The following ZFP64 variants were observed in gnomAD, a reference collection of about 807,000 sequenced individuals.
ZFP64 encodes ZFP64 zinc finger protein.
Under a neutral mutation model 51.6 loss-of-function variants are expected in ZFP64, and 14 were observed. The ratio of observed to expected loss-of-function variants is 0.27; its 90% CI spans 0.18 to 0.42. The LOEUF is 0.42. ZFP64 is among the 10% of genes least tolerant of loss of function. The probability of loss-of-function intolerance (pLI) is 1.00; values close to 1 mark genes in which losing one functional copy is unlikely to be tolerated. For missense variants in ZFP64, 754 were observed against 906.8 expected (o/e 0.83, Z 2.16); for synonymous variants, 375 against 361.4 (o/e 1.04, Z -0.43).
intron 5 of ZFP64, among the ~76,000 whole-genome samples, chr20:52,155,927 C>A (rs1981281772): frequency 6.6e-6 from 1 of 152,192 alleles, no homozygotes; most frequent in African/African-American, 2.4e-5. Flanking sequence ...TATTAATTTA[C>A]AGTTTTACCA....
At chr20:52,147,367 T>C (rs1006391663), downstream of ZFP64, among the ~76,000 whole-genome samples, 1 of 152,044 alleles carries the variant, frequency 6.6e-6, no homozygotes, top group African/African-American at 2.4e-5. Flanking sequence ...AAAACCATTA[T>C]CCAAAGGAGT....
At chr20:52,128,826 T>TACATGGTATAACTGTGGCATTTC (rs1393607627) in intron 5 of ZFP64, among the ~76,000 whole-genome samples, 10 of 152,226 alleles carry the variant, frequency 6.6e-5, no homozygotes, top group Non-Finnish European at 1.3e-4. Flanking sequence ...TCGTCTTATA[T>TACATGGTATAACTGTGGCATTTC]ACATGGTATA....
At chr20:52,097,868 A>G (rs977838155) in intron 6 of ZFP64, among the ~76,000 whole-genome samples, 1 of 150,878 alleles carries the variant, frequency 6.6e-6, no homozygotes, top group Non-Finnish European at 1.5e-5. Flanking sequence ...CAGAAGTTTG[A>G]GACCAGCCTG....
At chr20:52,099,474 CAA>C (rs1421444683) in intron 5 of ZFP64, among the ~76,000 whole-genome samples, 2 of 152,242 alleles carry the variant, frequency 1.3e-5, no homozygotes, top group African/African-American at 2.4e-5. Flanking sequence ...GGAGAAAAAG[CAA>C]AGACTGAGAG....
chr20:52,173,058 G>A (rs1982885880), intron 2 of ZFP64, among the ~76,000 whole-genome samples: 1 of 152,002 alleles, frequency 6.6e-6, no homozygotes, highest in Non-Finnish European at 1.5e-5. Context: ...TTGTCTCTGT[G>A]GAGTCTTAGG....
intron 5 of ZFP64, among the ~76,000 whole-genome samples, chr20:52,113,941 G>C (rs1260195627): frequency 6.6e-6 from 1 of 152,084 alleles, no homozygotes; most frequent in Non-Finnish European, 1.5e-5. Flanking sequence ...GTGGGTACCT[G>C]ATTTTGGCTA....
At chr20:52,144,604 G>T (rs1980432360) in intron 5 of ZFP64, among the ~76,000 whole-genome samples, 2 of 48,732 alleles carry the variant, frequency 4.1e-5, no homozygotes, top group East Asian at 5.0e-4. Context: ...AAAAAAAAAT[G>T]CTGAAAGCTG....
At chr20:52,096,929 G>A in intron 7 of ZFP64, 1 of 399,896 alleles carries the variant, frequency 2.5e-6, no homozygotes, top group South Asian at 1.9e-5. Context: ...TTTAGGCTTT[G>A]TGCACCCTAC....
intron 5 of ZFP64, among the ~76,000 whole-genome samples, chr20:52,140,455 A>T (rs1980200720): frequency 6.6e-6 from 1 of 152,230 alleles, no homozygotes; most frequent in African/African-American, 2.4e-5. Context: ...AAACAGCCTT[A>T]TTGCTGATGT....
rs2078998206 is a variant in ZFP64, at chr20:52,097,237, A to T, written c.976+136T>A. On this transcript the variant is annotated intron_variant, in intron 7 of 8. Coordinates refer to the ZFP64 transcript ENST00000361387. ...TCACAGCCCTTTTGCTCCTTCTCCC[A>T]AGCCCACCCCACTAGACTGAGTTTC... The T allele has an allele frequency of 6.6e-6, 7 of 1,067,832 alleles. 1 individual carries two copies. The South Asian group carries it at 8.8e-5, about 13-fold the overall frequency. 66.1% of individuals were successfully genotyped at this position (1,067,832 alleles called of 1,614,324 possible). A position where few individuals can be genotyped will look rare whatever the true frequency, so the allele number is the denominator to read the frequency against.
Position 52,143,101 on chromosome 20 carries a change from T to G in ZFP64, c.763+17022A>C, listed in dbSNP as rs1186090567. ...TATGTACTTTTTAAAGTCATAATGC[T>G]ATTGTGCCCTGAATAGACTATAGTA... On this transcript the variant is annotated intron_variant, in intron 5 of 8. Transcript: ENST00000361387. Among the ~76,000 whole-genome samples, 2 of 142,974 alleles carry G rather than the reference T, an allele frequency of 1.4e-5. 1 individual carries two copies. The highest frequency in any genetic ancestry group is 3.1e-5 in the Non-Finnish European group (2 of 64,384). The allele number at this position is 142,974 out of a possible 152,430, so 93.8% of individuals were successfully genotyped here.
chr20:52,126,372 G>T (rs115028330), intron 5 of ZFP64, among the ~76,000 whole-genome samples: 1 of 152,292 alleles, frequency 6.6e-6, no homozygotes, highest in African/African-American at 2.4e-5. Context: ...TCTGACTTCA[G>T]AACCCTTTGC....
At chr20:52,100,592 G>A (rs1393333304) in intron 5 of ZFP64, among the ~76,000 whole-genome samples, 1 of 152,140 alleles carries the variant, frequency 6.6e-6, no homozygotes, top group African/African-American at 2.4e-5. Flanking sequence ...ATAGGCCAAG[G>A]TCTGGGACTT....
intron 5 of ZFP64, among the ~76,000 whole-genome samples, chr20:52,142,839 C>CAA (rs386393987): frequency 5.4e-5 from 3 of 55,052 alleles, no homozygotes; most frequent in Middle Eastern, 0.013. Flanking sequence ...GACTCCATCT[C>CAA]AAAAAAAAAA....
intron 5 of ZFP64, among the ~76,000 whole-genome samples, chr20:52,108,809 A>G (rs1322417530): frequency 1.3e-5 from 2 of 151,094 alleles, no homozygotes; most frequent in Non-Finnish European, 2.9e-5. Context: ...GCGCCCGGCC[A>G]TCATGTTTGG....
chr20:52,165,081 G>C (rs1339945994), intron 3 of ZFP64: 1 of 494,764 alleles, frequency 2.0e-6, no homozygotes, highest in Non-Finnish European at 4.0e-6. Context: ...TTCTTGATTA[G>C]AGGAAATGAA....
chr20:52,088,584 T>A lies in ZFP64; in HGVS notation c.1036A>T (p.Thr346Ser), dbSNP rs2078889183. ...CTGGTGTGGCACCGCATGTGCATGGTCAGGTTGTCCTTCCGGCTGAAGCAC... is the reference window on the plus strand; with the variant it reads ...CTGGTGTGGCACCGCATGTGCATGGACAGGTTGTCCTTCCGGCTGAAGCAC... Residue 346 changes from threonine to serine, a missense_variant, in exon 8 of 9, where the codon ACC becomes TCC. Thr to Ser is a moderately conservative substitution (Grantham distance 58). Coordinates refer to the ZFP64 transcript ENST00000361387. 1.9e-6 allele frequency: 3 copies of A among 1,614,096 alleles called. No individual in the cohort carries two copies. The South Asian group carries it at 3.3e-5, about 18-fold the overall frequency.
Position 52,191,694 on chromosome 20 carries a change from T to A in ZFP64, c.-58A>T, listed in dbSNP as rs1449417339. The A allele has an allele frequency of 6.5e-7, 1 of 1,543,456 alleles. No homozygotes were observed. Among genetic ancestry groups the A allele is most frequent in the Admixed American group, 1.9e-5 (1 of 51,294 alleles). On this transcript the variant is annotated 5_prime_UTR_variant, in exon 1 of 6. It removes the in-frame stop codon of an upstream open reading frame in the 5' UTR. Transcript: ENST00000216923. This position sits in a 1 kb window ranked among gnomAD's most constrained non-coding sequence, Gnocchi z 4.3. ...GATGCCAAAGTGGGGGACGCTGATC[T>A]ACATGGTGCAAGGACTTTTCCTTTT...
intron 5 of ZFP64, among the ~76,000 whole-genome samples, chr20:52,112,082 C>CA (rs375422075): frequency 0.042 from 3,262 of 78,028 alleles, 54 homozygotes; most frequent in East Asian, 0.078. Context: ...ACTCTATCTC[C>CA]AAAAAAAAAA....
Sources: allele counts gnomAD v4.1 joint callset (sites outside exome capture counted in the v4.1 genomes callset), GRCh38; gene constraint gnomAD v4.1.1; non-coding constraint Gnocchi (gnomAD v3.1); transcripts MANE v1.5; gene names NCBI Gene and HGNC (gene_info 2026-07-23, HGNC 2026-07-21).